Variants in CDKAL1 observed in about 807,000 individuals in gnomAD.
CDKAL1 encodes threonylcarbamoyladenosine tRNA methylthiotransferase.
In CDKAL1, 32 loss-of-function variants were observed where a neutral mutation model predicts 68.2. That is an observed-to-expected ratio of 0.47 (90% CI 0.35 to 0.63). The LOEUF is 0.63. CDKAL1 is among the 30% of genes least tolerant of loss of function. CDKAL1 has a pLI of 0.00. For missense variants in CDKAL1, 606 were observed against 696.7 expected, an observed-to-expected ratio of 0.87 and a Z score of 1.47; for synonymous variants, 234 against 244.3, an observed-to-expected ratio of 0.96 and a Z score of 0.39.
chr6:20,551,100 C>T (rs992349111), intron 4 of CDKAL1, among the ~76,000 whole-genome samples: 5 of 151,726 alleles, frequency 3.3e-5, no homozygotes, highest in African/African-American at 9.7e-5. Context: ...CTCCTGACCT[C>T]GTGATCCACT....
At chr6:21,070,399 C>CTTT (rs57391327) in intron 12 of CDKAL1, among the ~76,000 whole-genome samples, 35 of 139,310 alleles carry the variant, frequency 2.5e-4, no homozygotes, top group Non-Finnish European at 3.8e-4. Context: ...TTGTTTCTCT[C>CTTT]TTTTTTTTTT....
intron 6 of CDKAL1, among the ~76,000 whole-genome samples, chr6:20,751,093 T>A (rs1717945129): frequency 6.6e-6 from 1 of 151,552 alleles, no homozygotes; most frequent in South Asian, 2.1e-4. Flanking sequence ...GTTCAAGAAA[T>A]GTTAGCTGTC....
intron 11 of CDKAL1, among the ~76,000 whole-genome samples, chr6:21,039,820 G>T (rs1270245216): frequency 6.6e-6 from 1 of 152,086 alleles, no homozygotes; most frequent in Non-Finnish European, 1.5e-5. Context: ...CACTAGACAT[G>T]CCATATAATT....
intron 8 of CDKAL1, among the ~76,000 whole-genome samples, chr6:20,796,789 A>G (rs1776128046): frequency 6.6e-6 from 1 of 152,224 alleles, no homozygotes; most frequent in Non-Finnish European, 1.5e-5. Flanking sequence ...CCATATGGAA[A>G]AAGAACAAAA....
At chr6:20,842,698 G>A (rs1561822928) in intron 8 of CDKAL1, among the ~76,000 whole-genome samples, 1 of 152,166 alleles carries the variant, frequency 6.6e-6, no homozygotes. Context: ...AGGCGTAGTG[G>A]CAGGTACCTG....
chr6:20,786,150 A>G (rs1775662265), intron 8 of CDKAL1, among the ~76,000 whole-genome samples: 1 of 152,112 alleles, frequency 6.6e-6, no homozygotes, highest in South Asian at 2.1e-4. Flanking sequence ...GCTTGAACCC[A>G]GGGAGTGGAT....
intron 5 of CDKAL1, among the ~76,000 whole-genome samples, chr6:20,734,006 A>G (rs891594646): frequency 4.6e-5 from 7 of 151,968 alleles, no homozygotes; most frequent in African/African-American, 1.7e-4. Flanking sequence ...AAAATTTGCC[A>G]GGTGTGGTGG....
chr6:21,217,555 T>G (rs1779386410), intron 15 of CDKAL1, among the ~76,000 whole-genome samples: 1 of 152,002 alleles, frequency 6.6e-6, no homozygotes, highest in African/African-American at 2.4e-5. Context: ...TGGAGTGCAA[T>G]AACACGATCT....
intron 5 of CDKAL1, among the ~76,000 whole-genome samples, chr6:20,710,721 A>T (rs1771807564): frequency 6.6e-6 from 1 of 152,218 alleles, no homozygotes; most frequent in Non-Finnish European, 1.5e-5. Flanking sequence ...GAGTCAATAT[A>T]AAAGGTAATG....
At chr6:20,947,516 A>G (rs1190027263) in intron 9 of CDKAL1, among the ~76,000 whole-genome samples, 1 of 152,228 alleles carries the variant, frequency 6.6e-6, no homozygotes. Context: ...ACTTGAGTCC[A>G]GGAGGTCAAG....
At position 20,722,745 on chromosome 6, in the gene CDKAL1, A is replaced by G. The variant is rs189483036; in HGVS notation, c.372-16774A>G. ...GGTTCTTTCTGATTAATGCCTTTTT[A>G]CCAATTGAATGTTGCCTTTTCCAAA... On this transcript the variant is annotated intron_variant, in intron 5 of 15. Coordinates refer to ENST00000274695, the MANE Select transcript of CDKAL1 (RefSeq NM_017774.3). Among the ~76,000 whole-genome samples, 193 of 152,156 alleles carry G rather than the reference A, an allele frequency of 1.3e-3. 2 individuals carry two copies. The highest frequency in any genetic ancestry group is 6.8e-3 in the Middle Eastern group (2 of 294).
At chr6:20,936,666 C>A (rs1255120490) in intron 9 of CDKAL1, among the ~76,000 whole-genome samples, 2 of 152,062 alleles carry the variant, frequency 1.3e-5, no homozygotes, top group African/African-American at 4.8e-5. Flanking sequence ...AGGATGTGGT[C>A]TTTGAGTTTC....
Position 20,989,855 on chromosome 6 carries a change from T to C in CDKAL1, c.910-10372T>C, listed in dbSNP as rs572450781. On this transcript the variant is annotated intron_variant, in intron 10 of 15. Transcript: ENST00000274695. ...GTTCCATTCTATGAATTTTAAAATA[T>C]ATATATATAGATACATGTAACCACC... is the stretch of plus-strand genomic sequence containing the variant. 5.9e-5 allele frequency among the ~76,000 whole-genome samples: 9 copies of C among 152,218 alleles called. No individual in the cohort carries two copies. The South Asian group carries it at 1.9e-3, about 32-fold the overall frequency.
At chr6:20,719,139 A>G (rs1252968789) in intron 5 of CDKAL1, among the ~76,000 whole-genome samples, 2 of 152,156 alleles carry the variant, frequency 1.3e-5, no homozygotes, top group Non-Finnish European at 2.9e-5. Flanking sequence ...TAAAGTTTAC[A>G]GTTGTGTTCT....
At chr6:20,762,174 CAT>C (rs1163374617) in intron 7 of CDKAL1, among the ~76,000 whole-genome samples, 4 of 152,188 alleles carry the variant, frequency 2.6e-5, no homozygotes, top group Admixed American at 2.0e-4. Context: ...TATGGGAAAT[CAT>C]ACAAGACCTG....
chr6:20,687,112 C>G (rs1457956383), intron 5 of CDKAL1, among the ~76,000 whole-genome samples: 4 of 152,010 alleles, frequency 2.6e-5, no homozygotes, highest in African/African-American at 7.2e-5. Context: ...GATTTTATAT[C>G]TATGTTCATG....
intron 5 of CDKAL1, among the ~76,000 whole-genome samples, chr6:20,725,783 TA>T (rs67587689): frequency 0.024 from 2,383 of 99,062 alleles, 47 homozygotes; most frequent in East Asian, 0.1. Flanking sequence ...AAACTCCGTC[TA>T]AAAAAAAAAA....
intron 5 of CDKAL1, among the ~76,000 whole-genome samples, chr6:20,725,427 G>A (rs1004741198): frequency 4.6e-5 from 7 of 152,298 alleles, no homozygotes; most frequent in South Asian, 2.1e-4. Context: ...GCAGTGAGGC[G>A]TATATGCAGT....
chr6:20,823,034 A>G (rs1004372147), intron 8 of CDKAL1, among the ~76,000 whole-genome samples: 1 of 151,656 alleles, frequency 6.6e-6, no homozygotes, highest in East Asian at 1.9e-4. Flanking sequence ...AATAACTCCT[A>G]CTCTCTAATA....
Sources: allele counts gnomAD v4.1 joint callset (sites outside exome capture counted in the v4.1 genomes callset), GRCh38; gene constraint gnomAD v4.1.1; transcripts MANE v1.5; gene names NCBI Gene and HGNC (gene_info 2026-07-23, HGNC 2026-07-21).